C3orf52: variants seen among roughly 807,000 people sequenced by gnomAD.
The protein encoded by C3orf52 is TPA-induced transmembrane protein.
Under a neutral mutation model 24.8 loss-of-function variants are expected in C3orf52, and 22 were observed. The ratio of observed to expected loss-of-function variants is 0.89; its 90% CI spans 0.63 to 1.27. The LOEUF (loss-of-function observed/expected upper bound fraction) is 1.27, where lower values mean the gene tolerates loss of function less well. Among genes scored for constraint, C3orf52 ranks in the 50% most tolerant of loss-of-function variants. The pLI, the probability that C3orf52 is intolerant of heterozygous loss-of-function variation, is 0.00. For synonymous variants in C3orf52, 93 were observed against 100.2 expected (o/e 0.93, Z 0.43); for missense variants, 265 against 260.7 (o/e 1.02, Z -0.11).
At chr3:112,086,945 C>A (rs1013601304) in intron 1 of C3orf52, among the ~76,000 whole-genome samples, 2 of 152,184 alleles carry the variant, frequency 1.3e-5, no homozygotes, top group African/African-American at 4.8e-5. Flanking sequence ...AGAATCTCTT[C>A]TGTCCTCCTC....
At chr3:112,127,351 C>G (rs1001212420) in intron 4 of C3orf52, among the ~76,000 whole-genome samples, 4 of 152,066 alleles carry the variant, frequency 2.6e-5, no homozygotes, top group African/African-American at 4.8e-5. Context: ...GTATCAATTT[C>G]TTTTCTATCA....
At chr3:112,123,359 G>C in intron 4 of C3orf52, 1 of 1,540,326 alleles carries the variant, frequency 6.5e-7, no homozygotes, top group Non-Finnish European at 8.7e-7. Context: ...TGGGAGATAA[G>C]CTGGAGGGAC....
At chr3:112,132,485 CT>C (rs893680644), downstream of C3orf52, among the ~76,000 whole-genome samples, 19 of 152,264 alleles carry the variant, frequency 1.2e-4, no homozygotes, top group Admixed American at 3.3e-4. Context: ...ATTTTGAACC[CT>C]ACTTTATGTC....
chr3:112,116,656 G>T lies in C3orf52; in HGVS notation c.*10G>T. On this transcript the variant is annotated 3_prime_UTR_variant, in exon 6 of 6. Transcript: ENST00000264848. ...TTTCTTTTTAGAATGAAGTGATGGA[G>T]GCTGGTCTCTGTCTGAAAGCAGTGC... 1.3e-6 allele frequency: 2 copies of T among 1,592,218 alleles called. No individual in the cohort carries two copies. The highest frequency in any genetic ancestry group is 1.7e-6 in the Non-Finnish European group (2 of 1,167,350).
At chr3:112,133,478 C>T (rs146849081), downstream of C3orf52, 516 of 207,542 alleles carry the variant, frequency 2.5e-3, 15 homozygotes, top group South Asian at 0.03. Flanking sequence ...TTATAAATCA[C>T]GTTGTCTTCT....
At chr3:112,126,801 C>T (rs2074331393) in intron 4 of C3orf52, among the ~76,000 whole-genome samples, 1 of 152,194 alleles carries the variant, frequency 6.6e-6, no homozygotes, top group South Asian at 2.1e-4. Context: ...GATTAATGAG[C>T]CAATTCCTGC....
downstream of C3orf52, chr3:112,133,015 C>T: frequency 2.7e-6 from 4 of 1,473,466 alleles, no homozygotes; most frequent in Non-Finnish European, 2.8e-6. Flanking sequence ...TAACTGTATA[C>T]TAGCTTTCTT....
At chr3:112,087,188 G>A (rs1046857172) in intron 1 of C3orf52, among the ~76,000 whole-genome samples, 1 of 152,134 alleles carries the variant, frequency 6.6e-6, no homozygotes, top group Non-Finnish European at 1.5e-5. Context: ...GGTCGGCGCG[G>A]GGGAGGTGAA....
chr3:112,130,825 G>T (rs546276283), downstream of C3orf52: 1 of 384,572 alleles, frequency 2.6e-6, no homozygotes, highest in East Asian at 5.5e-5. Context: ...CGTGTCCAGA[G>T]AGAGGCCTGA....
chr3:112,121,032 C>G (rs541194353), downstream of C3orf52: 1 of 152,066 alleles, frequency 6.6e-6, no homozygotes, highest in Non-Finnish European at 1.5e-5. Flanking sequence ...AAAAGTAATT[C>G]CCTTTCATAA....
rs767869321 is a variant in C3orf52, at chr3:112,086,532, TC to T, written c.131del (p.Pro44ArgfsTer25). ...DKVFPSLDEE[V>X]PPAEANKESP... ...GTCTTCCCTTCTTTGGACGAGGAGGTCCCCCCGGCCGAGGTAAGGTCCCCTT... is the reference window on the plus strand; with the variant it reads ...GTCTTCCCTTCTTTGGACGAGGAGGTCCCCCGGCCGAGGTAAGGTCCCCTT... On this transcript the variant is annotated frameshift_variant, in exon 1 of 6. Transcript: ENST00000264848. LOFTEE classifies it high-confidence loss of function. 2 of 1,543,184 alleles carry T rather than the reference TC, an allele frequency of 1.3e-6. No individual in the cohort carries two copies. Among genetic ancestry groups the T allele is most frequent in the Admixed American group, 2.0e-5 (1 of 50,262 alleles).
intron 4 of C3orf52, chr3:112,128,036 C>G: frequency 6.2e-7 from 1 of 1,613,836 alleles, no homozygotes; most frequent in Non-Finnish European, 8.5e-7. Flanking sequence ...CAGAAACACC[C>G]TTCAGCGATA....
intron 5 of C3orf52, 78 bp from the exon 6 acceptor site, chr3:112,116,563 TG>T: frequency 7.9e-7 from 1 of 1,269,086 alleles, no homozygotes; most frequent in Non-Finnish European, 1.1e-6. Flanking sequence ...TAAAATTCAA[TG>T]AAATGAAATG....
intron 1 of C3orf52, among the ~76,000 whole-genome samples, chr3:112,087,926 T>C (rs1360200501): frequency 6.6e-6 from 1 of 152,226 alleles, no homozygotes; most frequent in Non-Finnish European, 1.5e-5. Context: ...GTAGTGGTAA[T>C]GTGTGCCTAC....
intron 1 of C3orf52, among the ~76,000 whole-genome samples, chr3:112,091,203 C>T (rs1279046975): frequency 6.6e-6 from 1 of 152,158 alleles, no homozygotes; most frequent in Non-Finnish European, 1.5e-5. Context: ...TCTGGGAGGC[C>T]TCTACAACTA....
chr3:112,131,924 GT>G (rs555553481), downstream of C3orf52, among the ~76,000 whole-genome samples: 714 of 151,842 alleles, frequency 4.7e-3, 2 homozygotes, highest in Non-Finnish European at 8.1e-3. Flanking sequence ...TTGGAAAAAG[GT>G]TTTTTTTCTT....
chr3:112,123,126 G>T, downstream of C3orf52: 1 of 305,732 alleles, frequency 3.3e-6, no homozygotes. Context: ...TTTATAAGAA[G>T]ATCCCAGACA....
downstream of C3orf52, among the ~76,000 whole-genome samples, chr3:112,118,519 C>T (rs1470477210): frequency 6.6e-6 from 1 of 152,200 alleles, no homozygotes. Flanking sequence ...TTCTTCCCTT[C>T]TTGTTCAGAA....
Position 112,114,597 on chromosome 3 carries a change from G to A in C3orf52, c.649+1452G>A, listed in dbSNP as rs146674990. Among the ~76,000 whole-genome samples, 105 of 152,088 alleles carry A rather than the reference G, an allele frequency of 6.9e-4. 1 individual carries two copies. The East Asian group carries it at 9.9e-3, about 14-fold the overall frequency. ...CAGGTGCTTATAATCCCAGCTACTCGGGAGACTGAGGCAGGAGAATCACTT... is the reference window on the plus strand; with the variant it reads ...CAGGTGCTTATAATCCCAGCTACTCAGGAGACTGAGGCAGGAGAATCACTT... On this transcript the variant is annotated intron_variant, in intron 5 of 5. Coordinates refer to ENST00000264848, the MANE Select transcript of C3orf52 (RefSeq NM_024616.3).
Sources: gnomAD v4.1 joint callset for allele counts (sites outside exome capture counted in the v4.1 genomes callset) on GRCh38, gnomAD v4.1.1 for gene constraint, MANE v1.5 for transcripts, NCBI Gene and HGNC (gene_info 2026-07-23, HGNC 2026-07-21) for gene names.